ASB11: variants seen among roughly 807,000 people sequenced by gnomAD.
ASB11 encodes the protein ankyrin repeat and SOCS box containing 11.
A neutral mutation model predicts 20.1 loss-of-function variants in ASB11; 17 were observed. That is an observed-to-expected ratio of 0.85 (90% CI 0.58 to 1.27). The LOEUF is 1.27. Among genes scored for constraint, ASB11 ranks in the 50% most tolerant of loss-of-function variants. The pLI, the probability that ASB11 is intolerant of heterozygous loss-of-function variation, is 0.00. For missense variants in ASB11, 259 were observed against 256.9 expected (o/e 1.01, Z -0.06); for synonymous variants, 107 against 105.6 (o/e 1.01, Z -0.08).
intron 3 of ASB11, 92 bp downstream of exon 3, chrX:15,297,482 C>T: frequency 1.3e-6 from 1 of 763,877 alleles, no homozygotes; most frequent in Non-Finnish European, 1.9e-6. Flanking sequence ...CCCTTACCCA[C>T]AGTGGGTAAG....
In ASB11 at chrX:15,288,983, G is replaced by A. The variant is rs183729668; in HGVS notation, c.655+521C>T. On this transcript the variant is annotated intron_variant, in intron 5 of 6. Coordinates refer to ENST00000480796, the MANE Select transcript of ASB11 (RefSeq NM_080873.3). ...AATGACTAGATACTGTAGCAGGATAGATATAAACTAGCCTGTAGCAAATGT... is the reference window on the plus strand; with the variant it reads ...AATGACTAGATACTGTAGCAGGATAAATATAAACTAGCCTGTAGCAAATGT... Among the ~76,000 whole-genome samples the A allele has an allele frequency of 2.7e-5, 3 of 111,915 alleles. No homozygotes were observed. In the East Asian group the frequency reaches 8.3e-4, roughly 31 times the overall value.
chrX:15,311,407 A>C (rs1311331576), intron 1 of ASB11, among the ~76,000 whole-genome samples: 1 of 112,650 alleles, frequency 8.9e-6, no homozygotes, highest in Non-Finnish European at 1.9e-5. Context: ...CCTGATATGC[A>C]ACTTAGAGGA....
At chrX:15,299,627 A>C (rs1320308081) in intron 2 of ASB11, among the ~76,000 whole-genome samples, 1 of 111,414 alleles carries the variant, frequency 9.0e-6, no homozygotes, top group Non-Finnish European at 1.9e-5. Context: ...ATAATGAGGC[A>C]TGTTCAACCC....
chrX:15,296,598 A>C (rs1424850117), intron 3 of ASB11, among the ~76,000 whole-genome samples: 6 of 112,043 alleles, frequency 5.4e-5, no homozygotes, highest in Admixed American at 4.7e-4. Context: ...ATAAATTTAA[A>C]ATAAGATAAA....
chrX:15,283,349 C>T lies in ASB11; in HGVS notation c.*156G>A, dbSNP rs769652108. On this transcript the variant is annotated 3_prime_UTR_variant, in exon 7 of 7. Transcript: ENST00000480796. ...GAACATTAAACTAACCAGGAGTTTCCACTCCTCAAGTGTTCTAGCTCATGG... is the reference window on the plus strand; with the variant it reads ...GAACATTAAACTAACCAGGAGTTTCTACTCCTCAAGTGTTCTAGCTCATGG... 28 of 713,742 alleles carry T rather than the reference C, an allele frequency of 3.9e-5. 1 individual carries two copies. In the South Asian group the frequency reaches 8.9e-4, roughly 23 times the overall value. The allele number at this position is 713,742 out of a possible 1,213,427, so 58.8% of individuals were successfully genotyped here.
At chrX:15,308,865 G>A (rs1921329112) in intron 1 of ASB11, among the ~76,000 whole-genome samples, 1 of 111,539 alleles carries the variant, frequency 9.0e-6, no homozygotes, top group African/African-American at 3.3e-5. Context: ...GGCCTGTTAG[G>A]AACCGGGCTG....
At chrX:15,303,175 C>A (rs1031437210) in intron 1 of ASB11, among the ~76,000 whole-genome samples, 2 of 109,827 alleles carry the variant, frequency 1.8e-5, no homozygotes, top group African/African-American at 6.6e-5. Context: ...TTTATCCTTC[C>A]CCTGCCTTCC....
chrX:15,295,539 C>G (rs1005701715), intron 3 of ASB11, among the ~76,000 whole-genome samples: 1 of 111,178 alleles, frequency 9.0e-6, no homozygotes, highest in African/African-American at 3.3e-5. Flanking sequence ...TTCACCAGGC[C>G]TCTGAAACTA....
chrX:15,286,767 C>G (rs1308088340), intron 6 of ASB11, among the ~76,000 whole-genome samples: 3 of 108,453 alleles, frequency 2.8e-5, no homozygotes, highest in African/African-American at 1.0e-4. Context: ...CAATGCTTTT[C>G]TTTTCCCATT....
In ASB11 at chrX:15,297,473, C is replaced by T. The variant is rs144785064; in HGVS notation, c.369+101G>A. Reference sequence around the variant, plus strand: ...CGGACATGGATAGAACCAGCCCAGCCCTTACCCACAGTGGGTAAGCCATCT... The same window carrying T: ...CGGACATGGATAGAACCAGCCCAGCTCTTACCCACAGTGGGTAAGCCATCT... On this transcript the variant is annotated intron_variant, in intron 3 of 6. Coordinates refer to ENST00000480796, the MANE Select transcript of ASB11 (RefSeq NM_080873.3). 6,642 of 658,495 alleles carry T rather than the reference C, an allele frequency of 0.01. 331 individuals are homozygous for T. In the African/African-American group the frequency reaches 0.13, roughly 13 times the overall value. 54.3% of individuals were successfully genotyped at this position (658,495 alleles called of 1,213,427 possible). A position where few individuals can be genotyped will look rare whatever the true frequency, so the allele number is the denominator to read the frequency against.
At chrX:15,297,152 C>T (rs1326060408) in intron 3 of ASB11, among the ~76,000 whole-genome samples, 5 of 111,992 alleles carry the variant, frequency 4.5e-5, no homozygotes, top group African/African-American at 1.3e-4. Context: ...ATTAGCCGGG[C>T]GTGGCGGCGT....
Position 15,282,243 on chromosome X carries a change from A to G in ASB11, c.*1262T>C, listed in dbSNP as rs1416893877. ...GAGTCTTAGGATGATCTGAGAGGGA[A>G]TTTTCATTTTAGAACTGAATACTGA... On this transcript the variant is annotated 3_prime_UTR_variant, in exon 7 of 7. Coordinates refer to ENST00000480796, the MANE Select transcript of ASB11 (RefSeq NM_080873.3). 2.7e-5 allele frequency: 3 copies of G among 111,509 alleles called. No individual in the cohort carries two copies. Among genetic ancestry groups the G allele is most frequent in the Non-Finnish European group, 5.6e-5 (3 of 53,131 alleles). The allele number at this position is 111,509 out of a possible 1,213,427, so 9.2% of individuals were successfully genotyped here.
At chrX:15,284,927 C>T (rs1927331396) in intron 6 of ASB11, among the ~76,000 whole-genome samples, 2 of 111,546 alleles carry the variant, frequency 1.8e-5, no homozygotes, top group South Asian at 7.5e-4. Flanking sequence ...TAACATTTGG[C>T]TTCACATTGC....
chrX:15,304,105 G>T (rs1319503953), intron 1 of ASB11, among the ~76,000 whole-genome samples: 2 of 112,767 alleles, frequency 1.8e-5, no homozygotes, highest in African/African-American at 3.2e-5. Context: ...TAACACAAAG[G>T]CTCCTCAACC....
intron 6 of ASB11, among the ~76,000 whole-genome samples, chrX:15,286,890 G>A (rs1332273508): frequency 9.0e-6 from 1 of 111,432 alleles, no homozygotes; most frequent in African/African-American, 3.3e-5. Flanking sequence ...CCTGGCATAC[G>A]TAGAGCTGAA....
At chrX:15,306,803 T>C (rs994837764) in intron 1 of ASB11, among the ~76,000 whole-genome samples, 5 of 112,401 alleles carry the variant, frequency 4.4e-5, no homozygotes, top group African/African-American at 1.6e-4. Flanking sequence ...AATTACCAAT[T>C]AGTGAGGCTT....
At chrX:15,308,014 A>G (rs1457493210) in intron 1 of ASB11, among the ~76,000 whole-genome samples, 2 of 112,158 alleles carry the variant, frequency 1.8e-5, no homozygotes, top group East Asian at 5.6e-4. Context: ...AGCTGGAGAC[A>G]GAAGGGCAGC....
In ASB11 at chrX:15,309,967, C is replaced by CAAAAAAAAAAAA. The variant is rs60765469; in HGVS notation, c.181+5446_181+5457dup. ...TGGGCGACAGAGCAAGACTCCGTCT[C>CAAAAAAAAAAAA]AAAAAAAAAAAAAAAAAAAAAAAAG... On this transcript the variant is annotated intron_variant, in intron 1 of 6. Transcript: ENST00000480796. Among the ~76,000 whole-genome samples the CAAAAAAAAAAAA allele has an allele frequency of 4.5e-4, 7 of 15,529 alleles. 1 individual carries two copies. The highest frequency in any genetic ancestry group is 3.9e-3 in the East Asian group (2 of 512). 13.5% of individuals were successfully genotyped at this position (15,529 alleles called of 115,157 possible). A position where few individuals can be genotyped will look rare whatever the true frequency, so the allele number is the denominator to read the frequency against.
intron 2 of ASB11, 65 bp from the exon 3 acceptor site, chrX:15,297,746 G>A: frequency 9.5e-7 from 1 of 1,057,706 alleles, no homozygotes; most frequent in Non-Finnish European, 1.3e-6. Flanking sequence ...GTGTTGCCCA[G>A]GCTGGTCTCA....
Sources: gnomAD v4.1 joint callset for allele counts (sites outside exome capture counted in the v4.1 genomes callset) on GRCh38, gnomAD v4.1.1 for gene constraint, MANE v1.5 for transcripts, NCBI Gene and HGNC (gene_info 2026-07-23, HGNC 2026-07-21) for gene names.